OTUD7A: variants seen among roughly 807,000 people sequenced by gnomAD.
OTUD7A encodes OTU deubiquitinase 7A.
A neutral mutation model predicts 65.7 loss-of-function variants in OTUD7A; 12 were observed. The observed-to-expected ratio is 0.18, with a 90% CI of 0.12 to 0.30. The LOEUF (loss-of-function observed/expected upper bound fraction) is 0.30, where lower values mean the gene tolerates loss of function less well. Among genes scored for constraint, OTUD7A ranks in the 10% least tolerant of loss-of-function variants. OTUD7A has a pLI of 1.00. For missense variants in OTUD7A, 1,148 were observed against 1,304.8 expected, an observed-to-expected ratio of 0.88 and a Z score of 1.85; for synonymous variants, 641 against 586.3, an observed-to-expected ratio of 1.09 and a Z score of -1.35.
At chr15:31,727,279 G>T (rs1175879861) in intron 1 of OTUD7A, among the ~76,000 whole-genome samples, 5 of 152,200 alleles carry the variant, frequency 3.3e-5, no homozygotes, top group African/African-American at 4.8e-5. Context: ...TTATAAGGCT[G>T]CCTCTATTTT....
chr15:31,585,690 G>T (rs564780753), intron 3 of OTUD7A, among the ~76,000 whole-genome samples: 16 of 152,294 alleles, frequency 1.1e-4, no homozygotes, highest in East Asian at 3.9e-4. Context: ...GCAACCTCCA[G>T]ATTCTTATGT....
At chr15:31,578,314 C>A (rs1213872902) in intron 3 of OTUD7A, among the ~76,000 whole-genome samples, 1 of 152,212 alleles carries the variant, frequency 6.6e-6, no homozygotes, top group Non-Finnish European at 1.5e-5. Context: ...CAGCATTTAA[C>A]ATCTAATTGG....
At chr15:31,759,863 C>T (rs995222627) in intron 1 of OTUD7A, among the ~76,000 whole-genome samples, 3 of 152,118 alleles carry the variant, frequency 2.0e-5, no homozygotes, top group African/African-American at 7.2e-5. Flanking sequence ...CATGCTTTGT[C>T]CATGCTTCCC....
chr15:31,840,866 A>G (rs182803862), intron 1 of OTUD7A, among the ~76,000 whole-genome samples: 2 of 152,344 alleles, frequency 1.3e-5, no homozygotes, highest in East Asian at 3.9e-4. Context: ...ATCACTATCC[A>G]TCTACTACTG....
chr15:31,828,954 T>C (rs1268697708), intron 1 of OTUD7A, among the ~76,000 whole-genome samples: 3 of 152,176 alleles, frequency 2.0e-5, no homozygotes, highest in African/African-American at 7.2e-5. Flanking sequence ...TGCATTGAAC[T>C]GGCTCTATCC....
chr15:31,486,607 C>T (rs972487583), intron 12 of OTUD7A, among the ~76,000 whole-genome samples: 1 of 152,110 alleles, frequency 6.6e-6, no homozygotes, highest in Non-Finnish European at 1.5e-5. Flanking sequence ...GGGGCAGCCC[C>T]GGACCCTCTG....
intron 1 of OTUD7A, chr15:31,787,538 T>C (rs917629138): frequency 1.3e-5 from 2 of 152,158 alleles, no homozygotes; most frequent in Non-Finnish European, 2.9e-5. Flanking sequence ...AGGTACCCTA[T>C]GAACATGACT....
chr15:31,551,733 T>C (rs113648157), intron 5 of OTUD7A, among the ~76,000 whole-genome samples: 1,653 of 152,338 alleles, frequency 0.011, 39 homozygotes, highest in African/African-American at 0.038. Context: ...GTAACTCCTT[T>C]TAATATCACT....
intron 5 of OTUD7A, among the ~76,000 whole-genome samples, chr15:31,550,074 T>C: frequency 7.2e-6 from 1 of 138,694 alleles, no homozygotes. Context: ...CACTCCAGCC[T>C]GGGCAACAGA....
intron 1 of OTUD7A, among the ~76,000 whole-genome samples, chr15:31,835,375 A>G (rs1238887182): frequency 6.6e-6 from 1 of 152,228 alleles, no homozygotes; most frequent in Non-Finnish European, 1.5e-5. Context: ...CCGTATTATT[A>G]TCATCTTCCA....
chr15:31,559,072 G>A lies in OTUD7A; in HGVS notation c.447C>T (p.Tyr149=). The change falls in exon 5 of 13, where the codon TAC becomes TAT. Residue 149 remains tyrosine, a synonymous_variant. Transcript: ENST00000307050. Reference sequence around the variant, plus strand: ...CGCTCAGGTCTGGCAACTGGAATGTGTAGATTGGCATCTCCAGGGGGAACT... The same window carrying A: ...CGCTCAGGTCTGGCAACTGGAATGTATAGATTGGCATCTCCAGGGGGAACT... ...NEQFPLEMPI[Y]TFQLPDLSVY... is the part of the protein sequence containing the mutation. 1 of 1,614,210 alleles carries A rather than the reference G, an allele frequency of 6.2e-7. No homozygotes were observed. Among genetic ancestry groups the A allele is most frequent in the Non-Finnish European group, 8.5e-7 (1 of 1,180,038 alleles).
intron 1 of OTUD7A, among the ~76,000 whole-genome samples, chr15:31,864,796 A>ACACACACACAC (rs1567061823): frequency 6.9e-6 from 1 of 145,006 alleles, no homozygotes; most frequent in African/African-American, 2.7e-5. Context: ...CACACACACA[A>ACACACACACAC]GTCAAAGCAA....
chr15:31,647,507 T>C (rs996868914), intron 3 of OTUD7A, among the ~76,000 whole-genome samples: 17 of 152,198 alleles, frequency 1.1e-4, no homozygotes, highest in African/African-American at 4.1e-4. Flanking sequence ...CCTCCAGACA[T>C]CCACGTGGCT....
chr15:31,786,236 C>T (rs1895671622), intron 1 of OTUD7A, among the ~76,000 whole-genome samples: 1 of 152,208 alleles, frequency 6.6e-6, no homozygotes, highest in African/African-American at 2.4e-5. Flanking sequence ...AAACTACCTA[C>T]TTTCATGTAT....
At chr15:31,726,330 TACACACACACACACACGCAC>T (rs1465698647) in intron 1 of OTUD7A, among the ~76,000 whole-genome samples, 2 of 90,152 alleles carry the variant, frequency 2.2e-5, no homozygotes, top group Non-Finnish European at 2.3e-5. Flanking sequence ...TCTCTCGAAT[TACACACACACACACACGCAC>T]ACACACACAC....
chr15:31,649,512 C>T (rs563528588), intron 3 of OTUD7A, among the ~76,000 whole-genome samples: 1 of 152,326 alleles, frequency 6.6e-6, no homozygotes, highest in Admixed American at 6.5e-5. Flanking sequence ...TAGACATCTC[C>T]CCTCTAAATT....
At chr15:31,605,969 C>G (rs1890228138) in intron 3 of OTUD7A, among the ~76,000 whole-genome samples, 1 of 152,164 alleles carries the variant, frequency 6.6e-6, no homozygotes. Context: ...CATCAACAGG[C>G]CTTTCTGTAT....
intron 1 of OTUD7A, among the ~76,000 whole-genome samples, chr15:31,819,785 C>A (rs4238556): frequency 0.6 from 91,168 of 151,334 alleles, 27,621 homozygotes; most frequent in East Asian, 0.69. Context: ...TGTAACAAGT[C>A]GTTATATATT....
Position 31,483,061 on chromosome 15 carries a change from C to T in OTUD7A, c.*233G>A. ...AGTTTCCACAGGTACGAGGCAGATG[C>T]TAGGCTAGCACACCCACTTCCAACA... On this transcript the variant is annotated 3_prime_UTR_variant, in exon 13 of 13. Coordinates refer to ENST00000307050, the MANE Select transcript of OTUD7A (RefSeq NM_001382637.1). The T allele has an allele frequency of 4.7e-6, 1 of 214,832 alleles. No individual in the cohort carries two copies. The highest frequency in any genetic ancestry group is 8.3e-6 in the Non-Finnish European group (1 of 121,002). The allele number at this position is 214,832 out of a possible 1,614,324, so 13.3% of individuals were successfully genotyped here. A position where few individuals can be genotyped will look rare whatever the true frequency, so the allele number is the denominator to read the frequency against.
Sources: allele counts gnomAD v4.1 joint callset (sites outside exome capture counted in the v4.1 genomes callset), GRCh38; gene constraint gnomAD v4.1.1; transcripts MANE v1.5; gene names NCBI Gene and HGNC (gene_info 2026-07-23, HGNC 2026-07-21).